The following DCC variants were observed in gnomAD, a reference collection of about 807,000 sequenced individuals.
The protein encoded by DCC is DCC netrin 1 receptor.
In DCC, 58 loss-of-function variants were observed where a neutral mutation model predicts 172.5. The observed-to-expected ratio is 0.34, with a 90% CI of 0.27 to 0.42. The LOEUF is 0.42. DCC is among the 10% of genes least tolerant of loss of function. The pLI, the probability that DCC is intolerant of heterozygous loss-of-function variation, is 1.00. For missense variants in DCC, 1,740 were observed against 1,791.0 expected, an observed-to-expected ratio of 0.97 and a Z score of 0.51; for synonymous variants, 709 against 644.5, an observed-to-expected ratio of 1.10 and a Z score of -1.52.
intron 15 of DCC, among the ~76,000 whole-genome samples, chr18:53,372,443 A>C (rs1212172480): frequency 2.0e-5 from 3 of 152,048 alleles, no homozygotes; most frequent in Non-Finnish European, 4.4e-5. Flanking sequence ...AACAGCAGAC[A>C]CTGAGGCCTA....
At chr18:53,246,753 G>C (rs2056369971) in intron 12 of DCC, among the ~76,000 whole-genome samples, 1 of 152,022 alleles carries the variant, frequency 6.6e-6, no homozygotes, top group Non-Finnish European at 1.5e-5. Context: ...TGGGAATGGA[G>C]AGTAGAATTG....
At position 52,650,271 on chromosome 18, in the gene DCC, A is replaced by G. The variant is rs189173130; in HGVS notation, c.92-101783A>G. Among the ~76,000 whole-genome samples, 86 of 151,842 alleles carry G rather than the reference A, an allele frequency of 5.7e-4. No homozygotes were observed. In the East Asian group the frequency reaches 0.011, roughly 20 times the overall value. ...TGGGATTACAGGTGTGAGCCACCAC[A>G]CCCGGCCTCTATTTTTATTTCTTTA... On this transcript the variant is annotated intron_variant, in intron 1 of 28. Coordinates refer to ENST00000442544, the MANE Select transcript of DCC (RefSeq NM_005215.4).
At chr18:53,451,387 T>A (rs140135443) in intron 23 of DCC, among the ~76,000 whole-genome samples, 77 of 152,334 alleles carry the variant, frequency 5.1e-4, no homozygotes, top group African/African-American at 1.8e-3. Flanking sequence ...AACTGGCCAG[T>A]TAGTCTGTGT....
chr18:53,535,780 C>G lies in DCC; in HGVS notation c.*5127C>G, dbSNP rs2046568132. On this transcript the variant is annotated 3_prime_UTR_variant, in exon 29 of 29. Coordinates refer to ENST00000442544, the MANE Select transcript of DCC (RefSeq NM_005215.4). ...CTGTTTCTACACATGATCTTGTATACTACTACACAAGGAAAAGGGGGTTTT... is the reference window on the plus strand; with the variant it reads ...CTGTTTCTACACATGATCTTGTATAGTACTACACAAGGAAAAGGGGGTTTT... 1.3e-5 allele frequency: 2 copies of G among 152,122 alleles called. No homozygotes were observed. The highest frequency in any genetic ancestry group is 2.9e-5 in the Non-Finnish European group (2 of 68,010). The allele number at this position is 152,122 out of a possible 1,614,324, so 9.4% of individuals were successfully genotyped here.
chr18:52,550,618 C>T (rs1193214690), intron 1 of DCC, among the ~76,000 whole-genome samples: 2 of 151,986 alleles, frequency 1.3e-5, no homozygotes, highest in East Asian at 3.9e-4. Flanking sequence ...AGGTACATAT[C>T]CTAATACAAC....
chr18:53,305,677 A>G lies in DCC; in HGVS notation c.2011A>G (p.Met671Val). 1 of 1,614,098 alleles carries G rather than the reference A, an allele frequency of 6.2e-7. No individual in the cohort carries two copies. Among genetic ancestry groups the G allele is most frequent in the Non-Finnish European group, 8.5e-7 (1 of 1,179,962 alleles). ...CAGAAAGACGACCCGCAGGGGTGAG[A>G]TGGAAACACTGGAGCCAAACAACCT... ...RHRKTTRRGE[M>V]ETLEPNNLWY... Residue 671 changes from methionine to valine, a missense_variant, in exon 13 of 29, where the codon ATG becomes GTG. Coordinates refer to ENST00000442544, the MANE Select transcript of DCC (RefSeq NM_005215.4).
chr18:53,013,474 C>G (rs1325190548), intron 5 of DCC, among the ~76,000 whole-genome samples: 8 of 151,844 alleles, frequency 5.3e-5, no homozygotes, highest in Non-Finnish European at 1.0e-4. Flanking sequence ...TGTTCTCACT[C>G]ATAACTAGGA....
At chr18:52,836,903 G>T (rs2038716541) in intron 2 of DCC, among the ~76,000 whole-genome samples, 1 of 152,204 alleles carries the variant, frequency 6.6e-6, no homozygotes, top group Admixed American at 6.5e-5. Context: ...TGCCTTTGCA[G>T]GAAACTTCTA....
At chr18:52,400,846 G>C (rs1157170362) in intron 1 of DCC, among the ~76,000 whole-genome samples, 1 of 151,878 alleles carries the variant, frequency 6.6e-6, no homozygotes, top group Non-Finnish European at 1.5e-5. Context: ...CACAGGAACA[G>C]AAAACCAAAC....
chr18:52,862,152 T>G (rs540498073), intron 2 of DCC, among the ~76,000 whole-genome samples: 1 of 152,302 alleles, frequency 6.6e-6, no homozygotes, highest in South Asian at 2.1e-4. Flanking sequence ...GACAATGCTT[T>G]CCATATGATT....
chr18:53,032,536 G>T (rs2143965036), intron 5 of DCC, among the ~76,000 whole-genome samples: 1 of 152,204 alleles, frequency 6.6e-6, no homozygotes, highest in Middle Eastern at 3.4e-3. Context: ...ATTCTTTTAG[G>T]ATTTAGGCAT....
At chr18:52,868,053 A>ATATATATATG (rs61579666) in intron 2 of DCC, among the ~76,000 whole-genome samples, 1 of 144,326 alleles carries the variant, frequency 6.9e-6, no homozygotes, top group African/African-American at 2.6e-5. Context: ...ATATATATAT[A>ATATATATATG]TGTGTGTGTG....
chr18:53,116,348 G>A (rs1006763039), intron 7 of DCC, among the ~76,000 whole-genome samples: 1 of 151,680 alleles, frequency 6.6e-6, no homozygotes, highest in Non-Finnish European at 1.5e-5. Context: ...TTTGGGATAC[G>A]CCTTATGTAA....
At chr18:52,946,600 T>A (rs2145537273) in intron 5 of DCC, among the ~76,000 whole-genome samples, 1 of 152,300 alleles carries the variant, frequency 6.6e-6, no homozygotes, top group South Asian at 2.1e-4. Flanking sequence ...GGACTACAGC[T>A]ACCTGAGGCA....
At chr18:52,440,086 A>G (rs1469435280) in intron 1 of DCC, among the ~76,000 whole-genome samples, 2 of 152,182 alleles carry the variant, frequency 1.3e-5, no homozygotes, top group African/African-American at 4.8e-5. Context: ...AGAGTGGAAT[A>G]AGAACCAGAG....
At chr18:52,557,936 C>T (rs990434762) in intron 1 of DCC, among the ~76,000 whole-genome samples, 40 of 152,318 alleles carry the variant, frequency 2.6e-4, no homozygotes, top group Admixed American at 5.9e-4. Flanking sequence ...TCTGAGATTA[C>T]AAACGTGAGC....
intron 7 of DCC, among the ~76,000 whole-genome samples, chr18:53,078,562 T>A (rs2042753993): frequency 6.6e-6 from 1 of 152,132 alleles, no homozygotes; most frequent in Non-Finnish European, 1.5e-5. Flanking sequence ...CTATTTTGTT[T>A]AAGTGAAAAG....
At chr18:52,629,811 G>A (rs968463540) in intron 1 of DCC, among the ~76,000 whole-genome samples, 2 of 152,098 alleles carry the variant, frequency 1.3e-5, no homozygotes, top group South Asian at 2.1e-4. Flanking sequence ...TTAGCTGGGC[G>A]TGCTGGCGGG....
At chr18:52,707,535 G>A (rs1267490772) in intron 1 of DCC, among the ~76,000 whole-genome samples, 2 of 152,146 alleles carry the variant, frequency 1.3e-5, no homozygotes, top group Non-Finnish European at 1.5e-5. Context: ...AAGAAATGAA[G>A]TCAATATGTT....
Sources: allele counts gnomAD v4.1 joint callset (sites outside exome capture counted in the v4.1 genomes callset), GRCh38; gene constraint gnomAD v4.1.1; transcripts MANE v1.5; gene names NCBI Gene and HGNC (gene_info 2026-07-23, HGNC 2026-07-21).